KCTD8: variants seen among roughly 807,000 people sequenced by gnomAD.
KCTD8 encodes BTB/POZ domain-containing protein KCTD8.
A neutral mutation model predicts 31.5 loss-of-function variants in KCTD8; 27 were observed. The observed-to-expected ratio is 0.86, with a 90% CI of 0.63 to 1.18. KCTD8 has a LOEUF of 1.18. Among genes scored for constraint, KCTD8 ranks in the 50% most tolerant of loss-of-function variants. KCTD8 has a pLI of 0.00. For missense variants in KCTD8, 658 were observed against 647.7 expected (o/e 1.02, Z -0.17); for synonymous variants, 290 against 280.0 (o/e 1.04, Z -0.36).
At chr4:44,310,078 A>C (rs1717908479) in intron 1 of KCTD8, among the ~76,000 whole-genome samples, 1 of 152,154 alleles carries the variant, frequency 6.6e-6, no homozygotes, top group Admixed American at 6.5e-5. Context: ...TTATTAAATT[A>C]GATTCAATTG....
intron 1 of KCTD8, among the ~76,000 whole-genome samples, chr4:44,372,216 C>T (rs1719805989): frequency 6.6e-6 from 1 of 152,072 alleles, no homozygotes; most frequent in African/African-American, 2.4e-5. Context: ...AAAAAACAAA[C>T]AGATGTACCA....
intron 1 of KCTD8, among the ~76,000 whole-genome samples, chr4:44,221,921 A>G (rs1314847214): frequency 6.6e-6 from 1 of 152,172 alleles, no homozygotes; most frequent in Non-Finnish European, 1.5e-5. Flanking sequence ...AATCCAATCA[A>G]GTTGACACTC....
intron 1 of KCTD8, among the ~76,000 whole-genome samples, chr4:44,434,576 A>T (rs567142722): frequency 3.9e-5 from 6 of 152,016 alleles, no homozygotes; most frequent in African/African-American, 1.4e-4. Flanking sequence ...ACTTAAATCA[A>T]TAAATATTTG....
At chr4:44,311,242 A>G (rs1192541531) in intron 1 of KCTD8, among the ~76,000 whole-genome samples, 2 of 152,096 alleles carry the variant, frequency 1.3e-5, no homozygotes, top group East Asian at 1.9e-4. Flanking sequence ...GACAAAATAG[A>G]CAATATCTGC....
intron 1 of KCTD8, among the ~76,000 whole-genome samples, chr4:44,192,424 G>A (rs1713791111): frequency 6.9e-6 from 1 of 144,988 alleles, no homozygotes; most frequent in East Asian, 2.0e-4. Flanking sequence ...GTCCTGAGGG[G>A]AAAAAAAAAA....
At chr4:44,421,608 CA>C (rs1216776569) in intron 1 of KCTD8, among the ~76,000 whole-genome samples, 1 of 151,962 alleles carries the variant, frequency 6.6e-6, no homozygotes, top group East Asian at 1.9e-4. Context: ...TATTTCCTTC[CA>C]ATTGGTGGAA....
intron 1 of KCTD8, among the ~76,000 whole-genome samples, chr4:44,374,979 T>G (rs1411961650): frequency 6.6e-6 from 1 of 152,164 alleles, no homozygotes; most frequent in Non-Finnish European, 1.5e-5. Context: ...GTCACAAAAC[T>G]TCAATTTATT....
At chr4:44,316,325 G>A (rs1394996577) in intron 1 of KCTD8, among the ~76,000 whole-genome samples, 1 of 151,820 alleles carries the variant, frequency 6.6e-6, no homozygotes, top group East Asian at 1.9e-4. Flanking sequence ...ATTTATAAGG[G>A]CAATAAGAAT....
At chr4:44,395,701 A>T (rs1161212977) in intron 1 of KCTD8, among the ~76,000 whole-genome samples, 1 of 152,016 alleles carries the variant, frequency 6.6e-6, no homozygotes, top group East Asian at 1.9e-4. Flanking sequence ...CTTTGCAAAA[A>T]ATGTTCGTAC....
chr4:44,359,278 G>C (rs1204703347), intron 1 of KCTD8, among the ~76,000 whole-genome samples: 2 of 151,664 alleles, frequency 1.3e-5, no homozygotes, highest in African/African-American at 2.4e-5. Context: ...TTTTCTTCTA[G>C]GGTTTTTTTT....
In KCTD8 at chr4:44,227,107, C is replaced by A. The variant is rs553016396; in HGVS notation, c.962-51857G>T. On this transcript the variant is annotated intron_variant, in intron 1 of 1. Transcript: ENST00000360029. The stretch of plus-strand genomic sequence containing the variant: ...GCTTTTGGTGTTTTAGTCATGAAGT[C>A]CTTGCCCATGCCTATGTGCTGAATG... 4.6e-4 allele frequency among the ~76,000 whole-genome samples: 70 copies of A among 152,204 alleles called. No homozygotes were observed. In the Middle Eastern group the frequency reaches 0.014, roughly 30 times the overall value.
chr4:44,434,690 G>T (rs1245728374), intron 1 of KCTD8, among the ~76,000 whole-genome samples: 2 of 151,878 alleles, frequency 1.3e-5, no homozygotes, highest in Non-Finnish European at 1.5e-5. Flanking sequence ...GAAATCATCA[G>T]TTTTAAAAGC....
intron 1 of KCTD8, among the ~76,000 whole-genome samples, chr4:44,267,343 C>G (rs1716411914): frequency 6.6e-6 from 1 of 152,052 alleles, no homozygotes; most frequent in Admixed American, 6.6e-5. Context: ...TCTTTGAAAC[C>G]AATGAGAACA....
intron 1 of KCTD8, among the ~76,000 whole-genome samples, chr4:44,345,328 T>C (rs1719010243): frequency 1.3e-5 from 2 of 151,808 alleles, no homozygotes; most frequent in Non-Finnish European, 2.9e-5. Context: ...ATAAAGAAAA[T>C]TGAAAATGTT....
Position 44,213,098 on chromosome 4 carries a change from C to T in KCTD8, c.962-37848G>A, listed in dbSNP as rs148659220. Among the ~76,000 whole-genome samples, 256 of 152,010 alleles carry T rather than the reference C, an allele frequency of 1.7e-3. 3 individuals carry two copies. The East Asian group carries it at 0.019, about 11-fold the overall frequency. On this transcript the variant is annotated intron_variant, in intron 1 of 1. Transcript: ENST00000360029. ...GTCTACAGGCGCCCGCCACCATGCC[C>T]GCTAATTTTTTGTATTTTTTAGTAG...
intron 1 of KCTD8, among the ~76,000 whole-genome samples, chr4:44,265,357 A>T (rs1445514454): frequency 6.6e-6 from 1 of 152,194 alleles, no homozygotes; most frequent in African/African-American, 2.4e-5. Flanking sequence ...GAAAACTAAC[A>T]AACAGAAAGG....
intron 1 of KCTD8, among the ~76,000 whole-genome samples, chr4:44,249,402 T>G (rs894036712): frequency 2.0e-5 from 3 of 151,814 alleles, no homozygotes; most frequent in Non-Finnish European, 4.4e-5. Flanking sequence ...AATATTTTAA[T>G]TTTTAGGAAA....
At chr4:44,432,904 T>G (rs1433979093) in intron 1 of KCTD8, among the ~76,000 whole-genome samples, 1 of 151,780 alleles carries the variant, frequency 6.6e-6, no homozygotes. Flanking sequence ...TCTTTGCACT[T>G]AAAACTTGTT....
intron 1 of KCTD8, among the ~76,000 whole-genome samples, chr4:44,378,356 T>C (rs866562033): frequency 6.6e-6 from 1 of 150,860 alleles, no homozygotes; most frequent in Non-Finnish European, 1.5e-5. Context: ...ATATACCTAA[T>C]GTAAATGACA....
Sources: gnomAD v4.1 joint callset for allele counts (sites outside exome capture counted in the v4.1 genomes callset) on GRCh38, gnomAD v4.1.1 for gene constraint, MANE v1.5 for transcripts, NCBI Gene and HGNC (gene_info 2026-07-23, HGNC 2026-07-21) for gene names.